Variants in LRRC4C observed in about 807,000 individuals in gnomAD.
The protein encoded by LRRC4C is leucine rich repeat containing 4C.
LRRC4C carries 5 observed loss-of-function variants against 33.6 expected under a neutral mutation model. The observed-to-expected ratio is 0.15, with a 90% CI of 0.08 to 0.31. The LOEUF (loss-of-function observed/expected upper bound fraction) is 0.31, where lower values mean the gene tolerates loss of function less well. Among genes scored for constraint, LRRC4C ranks in the 10% least tolerant of loss-of-function variants. LRRC4C has a pLI of 1.00. For synonymous variants in LRRC4C, 329 were observed against 302.0 expected (o/e 1.09, Z -0.93); for missense variants, 560 against 796.7 (o/e 0.70, Z 3.58).
intron 2 of LRRC4C, among the ~76,000 whole-genome samples, chr11:40,861,860 G>T (rs940240871): frequency 1.2e-4 from 19 of 152,092 alleles, no homozygotes; most frequent in African/African-American, 4.1e-4. Context: ...GGGTGGGGAG[G>T]TGCCAGGCTC....
chr11:40,837,465 G>GA (rs1219959698), intron 2 of LRRC4C, among the ~76,000 whole-genome samples: 5 of 152,016 alleles, frequency 3.3e-5, no homozygotes, highest in Non-Finnish European at 1.5e-5. Flanking sequence ...AGCAAAAGCT[G>GA]AAAAAATATT....
chr11:40,650,501 T>C (rs1166590199), intron 2 of LRRC4C, among the ~76,000 whole-genome samples: 1 of 152,184 alleles, frequency 6.6e-6, no homozygotes, highest in Admixed American at 6.5e-5. Context: ...AAAAACTGAA[T>C]GTTCTGCTAT....
At chr11:40,319,450 G>A (rs1000828871) in intron 4 of LRRC4C, among the ~76,000 whole-genome samples, 178 bp downstream of exon 4, 1 of 152,144 alleles carries the variant, frequency 6.6e-6, no homozygotes, top group Non-Finnish European at 1.5e-5. Flanking sequence ...TATGAAGTTC[G>A]TTTTTGCCGC....
intron 1 of LRRC4C, among the ~76,000 whole-genome samples, chr11:41,448,143 G>GTTTTTTTTTTTTTTTTTTT (rs1955895236): frequency 1.6e-4 from 3 of 19,170 alleles, no homozygotes; most frequent in Non-Finnish European, 2.6e-4. Context: ...TTTTTTTTTT[G>GTTTTTTTTTTTTTTTTTTT]GAGCTTTACT....
At chr11:40,473,656 T>G (rs1464057011) in intron 3 of LRRC4C, among the ~76,000 whole-genome samples, 5 of 152,002 alleles carry the variant, frequency 3.3e-5, no homozygotes, top group African/African-American at 1.2e-4. Flanking sequence ...AGAGGGGAAA[T>G]CAAATTGTCT....
chr11:40,995,795 C>T (rs1046273197), intron 1 of LRRC4C, among the ~76,000 whole-genome samples: 1 of 152,118 alleles, frequency 6.6e-6, no homozygotes, highest in East Asian at 1.9e-4. Context: ...GGAACAAATA[C>T]CAAACCATTG....
chr11:41,062,344 A>C (rs1212699429), intron 1 of LRRC4C, among the ~76,000 whole-genome samples: 2 of 152,224 alleles, frequency 1.3e-5, no homozygotes, highest in Non-Finnish European at 2.9e-5. Context: ...GAGAACATAC[A>C]AACTTAAGTT....
intron 2 of LRRC4C, among the ~76,000 whole-genome samples, chr11:40,787,627 G>A (rs1259593744): frequency 6.6e-6 from 1 of 152,148 alleles, no homozygotes; most frequent in African/African-American, 2.4e-5. Flanking sequence ...CAGTATAAGT[G>A]AAAAGGAGGT....
chr11:41,276,728 G>T (rs1949496639), intron 1 of LRRC4C, among the ~76,000 whole-genome samples: 1 of 152,068 alleles, frequency 6.6e-6, no homozygotes, highest in South Asian at 2.1e-4. Context: ...AGATTATCCT[G>T]GATTGTTCAA....
At chr11:40,710,832 C>T (rs181021424) in intron 2 of LRRC4C, among the ~76,000 whole-genome samples, 122 of 152,304 alleles carry the variant, frequency 8.0e-4, no homozygotes, top group African/African-American at 2.4e-3. Context: ...AGGCAGGCCT[C>T]GTTGAGCTGA....
At chr11:40,264,047 A>G (rs1020577) in intron 4 of LRRC4C, among the ~76,000 whole-genome samples, 115,987 of 152,098 alleles carry the variant, frequency 0.76, 44,601 homozygotes, top group East Asian at 0.92. Context: ...ATTATACTTT[A>G]GATCTGTATA....
At chr11:40,186,543 A>T (rs1054747770) in intron 5 of LRRC4C, among the ~76,000 whole-genome samples, 1 of 152,164 alleles carries the variant, frequency 6.6e-6, no homozygotes, top group African/African-American at 2.4e-5. Flanking sequence ...GAGGGCTTAG[A>T]AACTGGAAAG....
chr11:40,360,837 G>A (rs1169889407), intron 3 of LRRC4C, among the ~76,000 whole-genome samples: 1 of 152,150 alleles, frequency 6.6e-6, no homozygotes, highest in Non-Finnish European at 1.5e-5. Flanking sequence ...GAATATCAAT[G>A]TAAAAATTCT....
chr11:40,947,323 T>C (rs1025979729), intron 1 of LRRC4C, among the ~76,000 whole-genome samples: 2 of 152,128 alleles, frequency 1.3e-5, no homozygotes, highest in African/African-American at 4.8e-5. Flanking sequence ...GGTAACACAT[T>C]TTAGGTTTTG....
chr11:40,673,747 C>T (rs1944247320), intron 2 of LRRC4C, among the ~76,000 whole-genome samples: 1 of 152,198 alleles, frequency 6.6e-6, no homozygotes, highest in African/African-American at 2.4e-5. Flanking sequence ...TGTTACTTCA[C>T]CTCTTTCCTC....
chr11:41,090,293 A>G (rs755494290), intron 1 of LRRC4C, among the ~76,000 whole-genome samples: 1 of 152,094 alleles, frequency 6.6e-6, no homozygotes, highest in African/African-American at 2.4e-5. Flanking sequence ...AAAATTATAC[A>G]TCATGGTGTT....
chr11:40,200,350 C>T (rs893257696), intron 5 of LRRC4C, among the ~76,000 whole-genome samples: 2 of 151,690 alleles, frequency 1.3e-5, no homozygotes, highest in Non-Finnish European at 2.9e-5. Context: ...GGCGACAGAG[C>T]GAGACTCCAT....
chr11:40,926,070 T>TTTG (rs10640708), intron 2 of LRRC4C, among the ~76,000 whole-genome samples: 55,842 of 151,268 alleles, frequency 0.37, 11,986 homozygotes, highest in East Asian at 0.54. Context: ...CTAAGGGTTT[T>TTTG]TTGTTGTTGT....
chr11:40,279,747 T>C lies in LRRC4C; in HGVS notation c.-175-38149A>G, dbSNP rs576529408. Among the ~76,000 whole-genome samples, 4 of 152,294 alleles carry C rather than the reference T, an allele frequency of 2.6e-5. No individual in the cohort carries two copies. In the East Asian group the frequency reaches 7.7e-4, roughly 29 times the overall value. On this transcript the variant is annotated intron_variant, in intron 4 of 6. Coordinates refer to ENST00000528697, the MANE Select transcript of LRRC4C (RefSeq NM_001258419.2). Reference sequence around the variant, plus strand: ...AGCTTTTACTAGTCTGCCTTCCATGTCTGTGCTGTTATGTCATTCATCAAC... The same window carrying C: ...AGCTTTTACTAGTCTGCCTTCCATGCCTGTGCTGTTATGTCATTCATCAAC...
Sources: gnomAD v4.1 joint callset for allele counts (sites outside exome capture counted in the v4.1 genomes callset) on GRCh38, gnomAD v4.1.1 for gene constraint, MANE v1.5 for transcripts, NCBI Gene and HGNC (gene_info 2026-07-23, HGNC 2026-07-21) for gene names.